DAAM1: variants seen among roughly 807,000 people sequenced by gnomAD.
DAAM1 encodes the protein dishevelled associated activator of morphogenesis 1.
Under a neutral mutation model 130.0 loss-of-function variants are expected in DAAM1, and 52 were observed. The ratio of observed to expected loss-of-function variants is 0.40; its 90% CI spans 0.32 to 0.50. The LOEUF is 0.50. Ranked by LOEUF, DAAM1 falls within the 20% of genes least tolerant of loss-of-function variation. The probability of loss-of-function intolerance (pLI) is 0.61; values close to 1 mark genes in which losing one functional copy is unlikely to be tolerated. For synonymous variants in DAAM1, 452 were observed against 444.5 expected (o/e 1.02, Z -0.21); for missense variants, 1,134 against 1,303.8 (o/e 0.87, Z 2.01).
At chr14:59,322,540 G>A (rs1057139787) in intron 5 of DAAM1, among the ~76,000 whole-genome samples, 3 of 151,676 alleles carry the variant, frequency 2.0e-5, no homozygotes, top group Non-Finnish European at 2.9e-5. Context: ...CATGGGAACT[G>A]TATGCTAAAT....
rs529142420 is a variant in DAAM1, at chr14:59,201,791, C to A, written c.-38+13023C>A. Among the ~76,000 whole-genome samples the A allele has an allele frequency of 2.7e-3, 346 of 130,328 alleles. 2 individuals are homozygous for A. Among genetic ancestry groups the A allele is most frequent in the African/African-American group, 0.01 (336 of 32,864 alleles). The allele number at this position is 130,328 out of a possible 152,430, so 85.5% of individuals were successfully genotyped here. A position where few individuals can be genotyped will look rare whatever the true frequency, so the allele number is the denominator to read the frequency against. ...CTTGGGCAACAGTGCGAGATACTGT[C>A]TCAAAAAAAAAAAAAAAAAATTCAT... On this transcript the variant is annotated intron_variant, in intron 1 of 24. Transcript: ENST00000360909.
intron 23 of DAAM1, 37 bp downstream of exon 23, chr14:59,363,819 C>CGGGCT: frequency 6.2e-7 from 1 of 1,609,652 alleles, no homozygotes; most frequent in Admixed American, 1.7e-5. Flanking sequence ...GTTGTTTGAC[C>CGGGCT]GGGCTGGGCT....
chr14:59,361,914 C>T (rs1886715503), intron 22 of DAAM1, among the ~76,000 whole-genome samples: 1 of 151,416 alleles, frequency 6.6e-6, no homozygotes, highest in Admixed American at 6.6e-5. Context: ...ACAAAACTGC[C>T]ATAGAAAGTA....
intron 1 of DAAM1, among the ~76,000 whole-genome samples, chr14:59,246,126 A>G (rs1881358107): frequency 6.6e-6 from 1 of 152,182 alleles, no homozygotes. Flanking sequence ...TGTACAGTTC[A>G]AAGCATATTC....
chr14:59,321,405 T>C (rs1885004400), intron 5 of DAAM1, among the ~76,000 whole-genome samples: 1 of 152,260 alleles, frequency 6.6e-6, no homozygotes, highest in Non-Finnish European at 1.5e-5. Flanking sequence ...AGCTACTGAA[T>C]TGTACACTTT....
intron 3 of DAAM1, among the ~76,000 whole-genome samples, chr14:59,294,948 A>G (rs1883898172): frequency 6.6e-6 from 1 of 152,252 alleles, no homozygotes. Context: ...TTATCAGCAC[A>G]GGAAGAAATC....
chr14:59,246,826 A>T (rs1390652394), intron 1 of DAAM1, among the ~76,000 whole-genome samples: 1 of 152,096 alleles, frequency 6.6e-6, no homozygotes, highest in Non-Finnish European at 1.5e-5. Flanking sequence ...GTCTTTTTAT[A>T]CGCATGTTGG....
chr14:59,265,864 G>A (rs1882411719), intron 2 of DAAM1: 1 of 152,250 alleles, frequency 6.6e-6, no homozygotes, highest in African/African-American at 2.4e-5. Flanking sequence ...CTTATGCTTG[G>A]AAATAACAGG....
chr14:59,315,237 G>A, intron 3 of DAAM1, 43 bp from the exon 4 acceptor site: 1 of 1,570,612 alleles, frequency 6.4e-7, no homozygotes, highest in Non-Finnish European at 8.8e-7. Flanking sequence ...GGTGCTGTGT[G>A]TATATGTTGG....
intron 15 of DAAM1, among the ~76,000 whole-genome samples, chr14:59,336,768 G>C (rs955026243): frequency 4.6e-5 from 7 of 152,138 alleles, no homozygotes; most frequent in African/African-American, 1.7e-4. Context: ...GGGAATAAGT[G>C]GACTTGATCA....
At chr14:59,222,843 T>G (rs1380670660) in intron 1 of DAAM1, among the ~76,000 whole-genome samples, 1 of 152,238 alleles carries the variant, frequency 6.6e-6, no homozygotes, top group Non-Finnish European at 1.5e-5. Context: ...GCCATGCCAT[T>G]GGCTACAGCC....
chr14:59,330,753 C>T, intron 13 of DAAM1, 65 bp downstream of exon 13: 1 of 1,471,696 alleles, frequency 6.8e-7, no homozygotes, highest in Non-Finnish European at 9.1e-7. Context: ...GCCCCTCACC[C>T]TTAAGTAGAG....
chr14:59,288,665 T>C lies in DAAM1; in HGVS notation c.184-2552T>C, dbSNP rs113974027. On this transcript the variant is annotated intron_variant, in intron 2 of 24. Transcript: ENST00000360909. The stretch of plus-strand genomic sequence containing the variant: ...AAAAATGCTAATCACTGTACTACTC[T>C]GTTTTCATACTACTGCAAAGAACTA... Among the ~76,000 whole-genome samples the C allele has an allele frequency of 2.0e-5, 3 of 152,324 alleles. 1 individual carries two copies. The highest frequency in any genetic ancestry group is 7.2e-5 in the African/African-American group (3 of 41,566).
At chr14:59,242,751 G>C (rs1473038063) in intron 1 of DAAM1, among the ~76,000 whole-genome samples, 1 of 152,014 alleles carries the variant, frequency 6.6e-6, no homozygotes, top group African/African-American at 2.4e-5. Context: ...GTAGAAACAG[G>C]GTTTCACCGT....
intron 1 of DAAM1, among the ~76,000 whole-genome samples, chr14:59,192,837 A>G (rs1413228424): frequency 6.6e-6 from 1 of 152,228 alleles, no homozygotes; most frequent in Admixed American, 6.5e-5. Context: ...GAGGATCATG[A>G]GGTCAGGACA....
intron 1 of DAAM1, among the ~76,000 whole-genome samples, chr14:59,243,020 G>A (rs570786887): frequency 6.6e-6 from 1 of 152,102 alleles, no homozygotes; most frequent in African/African-American, 2.4e-5. Context: ...GACAATAAGG[G>A]ATGGTATTTT....
At chr14:59,340,663 G>A (rs140364855) in intron 16 of DAAM1, among the ~76,000 whole-genome samples, 45 of 152,126 alleles carry the variant, frequency 3.0e-4, no homozygotes, top group Admixed American at 1.2e-3. Context: ...TCAAACCTCC[G>A]TGAAAAGCTA....
chr14:59,296,306 A>G (rs1340303575), intron 3 of DAAM1, among the ~76,000 whole-genome samples: 1 of 152,188 alleles, frequency 6.6e-6, no homozygotes, highest in East Asian at 1.9e-4. Context: ...TTGAAACAGT[A>G]AGAAATAACA....
At chr14:59,300,606 C>T (rs1884133083) in intron 3 of DAAM1, among the ~76,000 whole-genome samples, 1 of 152,020 alleles carries the variant, frequency 6.6e-6, no homozygotes, top group African/African-American at 2.4e-5. Context: ...ATAATAAATA[C>T]CCATATTTAA....
Sources: allele counts gnomAD v4.1 joint callset (sites outside exome capture counted in the v4.1 genomes callset), GRCh38; gene constraint gnomAD v4.1.1; transcripts MANE v1.5; gene names NCBI Gene and HGNC (gene_info 2026-07-23, HGNC 2026-07-21).